Variants in ZNF624 observed in about 807,000 individuals in gnomAD.
ZNF624 encodes zinc finger protein 624.
Under a neutral mutation model 74.7 loss-of-function variants are expected in ZNF624, and 43 were observed. The ratio of observed to expected loss-of-function variants is 0.58; its 90% CI spans 0.45 to 0.74. The LOEUF (loss-of-function observed/expected upper bound fraction) is 0.74, where lower values mean the gene tolerates loss of function less well. Among genes scored for constraint, ZNF624 ranks in the 30% least tolerant of loss-of-function variants. The probability of loss-of-function intolerance (pLI) is 0.00; values close to 1 mark genes in which losing one functional copy is unlikely to be tolerated. For synonymous variants in ZNF624, 331 were observed against 341.3 expected, an observed-to-expected ratio of 0.97 and a Z score of 0.33; for missense variants, 820 against 1,030.0, an observed-to-expected ratio of 0.80 and a Z score of 2.79.
chr17:16,635,595 T>A (rs930312622), intron 3 of ZNF624, among the ~76,000 whole-genome samples: 2 of 152,158 alleles, frequency 1.3e-5, no homozygotes, highest in Non-Finnish European at 2.9e-5. Flanking sequence ...TCTGTATACA[T>A]TGCACAAGAT....
intron 3 of ZNF624, among the ~76,000 whole-genome samples, chr17:16,637,798 T>C (rs1387217666): frequency 3.3e-5 from 5 of 152,270 alleles, no homozygotes; most frequent in East Asian, 3.9e-4. Context: ...ATTCAGGACA[T>C]AGGCATGGGC....
chr17:16,616,297 G>A (rs1201098612), downstream of ZNF624, among the ~76,000 whole-genome samples: 3 of 151,898 alleles, frequency 2.0e-5, no homozygotes, highest in African/African-American at 7.3e-5. Flanking sequence ...TAGAATTTAC[G>A]TTGTTTCCAC....
downstream of ZNF624, among the ~76,000 whole-genome samples, chr17:16,619,469 T>C (rs559608615): frequency 6.6e-6 from 1 of 152,232 alleles, no homozygotes; most frequent in Non-Finnish European, 1.5e-5. Flanking sequence ...CTCCAGAATA[T>C]ATAAAGAATC....
chr17:16,640,758 A>T lies in ZNF624; in HGVS notation c.154-6002T>A, dbSNP rs1909448700. On this transcript the variant is annotated intron_variant, in intron 3 of 5. Coordinates refer to ENST00000311331, the MANE Select transcript of ZNF624 (RefSeq NM_020787.4). The stretch of plus-strand genomic sequence containing the variant: ...TCCCACAAAGAAAAGCCTAGGTTCA[A>T]ATGGTTTCATGTGAATTATACCAAA... 2.0e-5 allele frequency among the ~76,000 whole-genome samples: 3 copies of T among 152,248 alleles called. No homozygotes were observed. The South Asian group carries it at 6.2e-4, about 31-fold the overall frequency.
At chr17:16,626,885 C>T (rs771748930) in intron 5 of ZNF624, among the ~76,000 whole-genome samples, 2 of 151,530 alleles carry the variant, frequency 1.3e-5, no homozygotes, top group Non-Finnish European at 1.5e-5. Context: ...GGTGAAACCC[C>T]GTCTCAACTA....
intron 5 of ZNF624, among the ~76,000 whole-genome samples, chr17:16,628,914 C>G (rs959140329): frequency 5.3e-5 from 8 of 151,988 alleles, no homozygotes; most frequent in African/African-American, 1.9e-4. Context: ...AAAAGAGAGA[C>G]AGGGAAGGGC....
intron 3 of ZNF624, among the ~76,000 whole-genome samples, chr17:16,637,163 AG>A (rs952021908): frequency 1.3e-5 from 2 of 152,224 alleles, no homozygotes; most frequent in African/African-American, 4.8e-5. Flanking sequence ...CCAACTTACA[AG>A]GGATGTGAAG....
chr17:16,624,388 T>G lies in ZNF624; in HGVS notation c.498A>C (p.Glu166Asp). The G allele has an allele frequency of 1.2e-6, 2 of 1,613,946 alleles. No individual in the cohort carries two copies. Among genetic ancestry groups the G allele is most frequent in the South Asian group, 2.2e-5 (2 of 90,986 alleles). The change falls in exon 6 of 6, where the codon GAA (glutamate) becomes GAC (aspartate). Residue 166 changes from glutamate (E) to aspartate (D), a missense_variant. Physicochemically the swap from Glu to Asp is conservative, Grantham distance 45. Coordinates refer to ENST00000311331, the MANE Select transcript of ZNF624 (RefSeq NM_020787.4). Reference protein sequence around the residue: ...TENGLWDSRMEGLWKWNDRIL... With the variant: ...TENGLWDSRMDGLWKWNDRIL... The stretch of plus-strand genomic sequence containing the variant: ...TCCTATCATTCCATTTCCATAACCC[T>G]TCCATTCTGGAATCCCACAGACCAT...
intron 3 of ZNF624, among the ~76,000 whole-genome samples, chr17:16,644,341 C>T (rs1472912033): frequency 6.6e-6 from 1 of 152,190 alleles, no homozygotes; most frequent in Non-Finnish European, 1.5e-5. Flanking sequence ...TATTCAGAAA[C>T]TGAACTTTGT....
chr17:16,625,908 C>G (rs1414122918), intron 5 of ZNF624, among the ~76,000 whole-genome samples: 2 of 151,234 alleles, frequency 1.3e-5, no homozygotes, highest in Non-Finnish European at 2.9e-5. Flanking sequence ...AATATAAGTT[C>G]AATAAAAACT....
chr17:16,621,067 A>G lies in ZNF624; in HGVS notation c.*1221T>C, dbSNP rs1192162623. ...TGTATATTCTTCCATACCTGTCTCC[A>G]TGTGCATCTAACCACACACACACAC... On this transcript the variant is annotated 3_prime_UTR_variant, in exon 6 of 6. Transcript: ENST00000311331. The G allele has an allele frequency of 6.6e-6, 1 of 152,158 alleles. No individual in the cohort carries two copies. The highest frequency in any genetic ancestry group is 2.4e-5 in the African/African-American group (1 of 41,444). The allele number at this position is 152,158 out of a possible 1,614,324, so 9.4% of individuals were successfully genotyped here.
intron 3 of ZNF624, 92 bp downstream of exon 3, chr17:16,647,237 T>C: frequency 1.8e-6 from 2 of 1,100,944 alleles, no homozygotes; most frequent in Non-Finnish European, 2.8e-6. Context: ...ATAATCATTG[T>C]GAACTTGCAA....
intron 1 of ZNF624, among the ~76,000 whole-genome samples, chr17:16,652,526 G>A (rs1597501578): frequency 6.6e-6 from 1 of 152,058 alleles, no homozygotes; most frequent in Non-Finnish European, 1.5e-5. Flanking sequence ...GATTATGCTC[G>A]TAACATATGT....
At chr17:16,617,416 T>C, downstream of ZNF624, 1 of 1,613,094 alleles carries the variant, frequency 6.2e-7, no homozygotes, top group South Asian at 1.1e-5. Flanking sequence ...CATGTCAGAG[T>C]AGGAGCGAAA....
At chr17:16,631,408 G>A (rs569540720) in intron 5 of ZNF624, 1 of 152,194 alleles carries the variant, frequency 6.6e-6, no homozygotes, top group South Asian at 2.1e-4. Flanking sequence ...ACAAGAAAAA[G>A]GACTAAAAAC....
chr17:16,633,671 A>G (rs1909256300), intron 5 of ZNF624, among the ~76,000 whole-genome samples, 191 bp downstream of exon 5: 1 of 152,070 alleles, frequency 6.6e-6, no homozygotes. Flanking sequence ...TGTTTCCCAA[A>G]AGTGGAGGAC....
Position 16,645,962 on chromosome 17 carries a change from A to AAG in ZNF624, c.153+1366_153+1367insCT, listed in dbSNP as rs1252380208. ...CTCCATCTCAAAAAAAAAAAAAAAA[A>AAG]AAAGAAAATGTCAGCAATAGTTATA... On this transcript the variant is annotated intron_variant, in intron 3 of 5. Transcript: ENST00000311331. Among the ~76,000 whole-genome samples, 258 of 151,354 alleles carry AAG rather than the reference A, an allele frequency of 1.7e-3. 1 individual carries two copies. The highest frequency in any genetic ancestry group is 6.1e-3 in the African/African-American group (251 of 41,264).
intron 3 of ZNF624, among the ~76,000 whole-genome samples, chr17:16,639,870 T>C (rs1226944601): frequency 1.3e-5 from 2 of 152,126 alleles, no homozygotes; most frequent in African/African-American, 4.8e-5. Flanking sequence ...TTAAAATAAC[T>C]AGCTGGTTTT....
downstream of ZNF624, chr17:16,617,174 G>C: frequency 1.9e-6 from 3 of 1,612,610 alleles, no homozygotes; most frequent in East Asian, 2.2e-5. Flanking sequence ...CCTTTTGATC[G>C]AGAACGTGAT....
Sources: allele counts gnomAD v4.1 joint callset (sites outside exome capture counted in the v4.1 genomes callset), GRCh38; gene constraint gnomAD v4.1.1; transcripts MANE v1.5; gene names NCBI Gene and HGNC (gene_info 2026-07-23, HGNC 2026-07-21).